Variants in COL20A1 observed in about 807,000 individuals in gnomAD.
COL20A1 encodes collagen type XX alpha 1 chain.
In COL20A1, 164 loss-of-function variants were observed where a neutral mutation model predicts 152.9. The observed-to-expected ratio is 1.07, with a 90% CI of 0.94 to 1.22. The LOEUF is 1.22. COL20A1 is among the 50% of genes most tolerant of loss of function. COL20A1 has a pLI of 0.00. For synonymous variants in COL20A1, 864 were observed against 756.0 expected (o/e 1.14, Z -2.34); for missense variants, 1,873 against 1,744.8 (o/e 1.07, Z -1.31).
chr20:63,325,031 C>T (rs975149793), intron 27 of COL20A1: 18 of 316,832 alleles, frequency 5.7e-5, no homozygotes, highest in African/African-American at 3.6e-4. Flanking sequence ...ACTGGCTTCA[C>T]AGGCTTGGCT....
At chr20:63,303,476 T>C (rs1005568229) in intron 3 of COL20A1, among the ~76,000 whole-genome samples, 1 of 152,238 alleles carries the variant, frequency 6.6e-6, no homozygotes, top group Non-Finnish European at 1.5e-5. Flanking sequence ...CCACTTCTAC[T>C]GCGGAGTAGC....
Position 63,305,608 on chromosome 20 carries a change from C to A in COL20A1, c.337+48C>A, listed in dbSNP as rs546165201. 6.5e-7 allele frequency: 1 copy of A among 1,536,034 alleles called. No individual in the cohort carries two copies. The highest frequency in any genetic ancestry group is 2.3e-5 in the East Asian group (1 of 43,356). ...GGGTACCCACTCCTCCAGGCCGGGTCCCACCCTCCTCTGGGCTGGGGTCCC... is the reference window on the plus strand; with the variant it reads ...GGGTACCCACTCCTCCAGGCCGGGTACCACCCTCCTCTGGGCTGGGGTCCC... On this transcript the variant is annotated intron_variant, in intron 4 of 35. Transcript: ENST00000358894. This position sits in a 1 kb window ranked among gnomAD's most constrained non-coding sequence, Gnocchi z 4.9.
At chr20:63,322,802 C>A (rs574641026) in intron 27 of COL20A1, among the ~76,000 whole-genome samples, 2 of 152,286 alleles carry the variant, frequency 1.3e-5, no homozygotes, top group Non-Finnish European at 2.9e-5. Context: ...CACCTCTCCC[C>A]CGGCAGCCTT....
chr20:63,300,876 G>A (rs1425182494), intron 3 of COL20A1, among the ~76,000 whole-genome samples: 1 of 152,026 alleles, frequency 6.6e-6, no homozygotes, highest in African/African-American at 2.4e-5. Flanking sequence ...TTTTTGTTAC[G>A]ATATTTTTAT....
intron 7 of COL20A1, 23 bp from the exon 8 acceptor site, chr20:63,308,519 A>G (rs1240670587): frequency 6.5e-7 from 1 of 1,543,470 alleles, no homozygotes; most frequent in Non-Finnish European, 8.8e-7. Flanking sequence ...GCTGCCTGTC[A>G]CTTTATTCCT....
rs780525056 is a variant in COL20A1 at position 63,328,353 on chromosome 20, C to T, written c.3636C>T (p.Ser1212=). 7 of 1,612,386 alleles carry T rather than the reference C, an allele frequency of 4.3e-6. No individual in the cohort carries two copies. Among genetic ancestry groups the T allele is most frequent in the Admixed American group, 3.3e-5 (2 of 59,896 alleles). ...CAGCACACGTGTCAAAGTTCGACTC[C>T]TTCCACGAGAACACCAGGCCCCCCA... ...SQASHVSKFD[S]FHENTRPPMP... Residue 1212 remains serine, a synonymous_variant, in exon 34 of 36, where the codon TCC becomes TCT. Transcript: ENST00000358894.
rs776603928 is a variant in COL20A1, at chr20:63,312,046, C to T, written c.1794C>T (p.His598=). The change falls in exon 14 of 36, where the codon CAC becomes CAT. Residue 598 remains histidine, a synonymous_variant. Transcript: ENST00000358894. ...RVTYVSSEGG[H]SGQTEAPGNA... The stretch of plus-strand genomic sequence containing the variant: ...CCTATGTGTCCAGCGAGGGTGGACA[C>T]TCGGGGCAGGTGAGAGCAGAGCCCT... The T allele has an allele frequency of 3.8e-6, 6 of 1,582,524 alleles. No homozygotes were observed. In the African/African-American group the frequency reaches 5.4e-5, roughly 14 times the overall value.
chr20:63,299,414 A>G (rs111674249), intron 3 of COL20A1, among the ~76,000 whole-genome samples: 8,555 of 152,044 alleles, frequency 0.056, 326 homozygotes, highest in Middle Eastern at 0.11. Context: ...GACTGGAGCT[A>G]CTCTGGTGGG....
At chr20:63,307,370 C>G (rs542267167) in intron 5 of COL20A1, 120 bp from the exon 6 acceptor site, 3 of 937,126 alleles carry the variant, frequency 3.2e-6, no homozygotes, top group Admixed American at 2.5e-5. Flanking sequence ...GGAGTCCTTT[C>G]CCCTGAAACC....
At position 63,325,428 on chromosome 20, in the gene COL20A1, CT is replaced by C. The variant is rs1284398323; in HGVS notation, c.3295-11del. Reference sequence around the variant, plus strand: ...CCCTCCGCTTCGCTGTCCAGCCCATCTTCCCCCTCCAGGGTCCACCAGGGGT... The same window carrying C: ...CCCTCCGCTTCGCTGTCCAGCCCATCTCCCCCTCCAGGGTCCACCAGGGGT... On this transcript the variant is annotated splice_polypyrimidine_tract_variant and intron_variant, in intron 27 of 35. Coordinates refer to ENST00000358894, the MANE Select transcript of COL20A1 (RefSeq NM_020882.4). The C allele has an allele frequency of 8.1e-6, 13 of 1,607,450 alleles. No individual in the cohort carries two copies. The highest frequency in any genetic ancestry group is 1.6e-4 in the Middle Eastern group (1 of 6,068).
Position 63,319,338 on chromosome 20 carries a change from C to T in COL20A1, c.2806+138C>T. ...CCCTCTGGGTGGGAGGCAGGTGTCC[C>T]GGGCAGGGGGCTGTGGGCCACATTG... On this transcript the variant is annotated intron_variant, in intron 22 of 35. Transcript: ENST00000358894. The surrounding 1 kb of genome is among the most constrained non-coding windows in gnomAD (Gnocchi z 4.4). The T allele has an allele frequency of 2.6e-6, 3 of 1,132,196 alleles. No individual in the cohort carries two copies. Among genetic ancestry groups the T allele is most frequent in the Non-Finnish European group, 3.7e-6 (3 of 803,580 alleles). The allele number at this position is 1,132,196 out of a possible 1,614,324, so 70.1% of individuals were successfully genotyped here.
chr20:63,294,178 A>AG (rs1468828783), intron 1 of COL20A1, among the ~76,000 whole-genome samples: 1 of 270 alleles, frequency 3.7e-3, no homozygotes. Context: ...AGTGCGGGGG[A>AG]GGGGGCGTGC....
intron 3 of COL20A1, among the ~76,000 whole-genome samples, chr20:63,303,585 A>G (rs140371352): frequency 8.9e-4 from 135 of 152,314 alleles, no homozygotes; most frequent in Admixed American, 7.1e-3. Flanking sequence ...AATGCTTAGG[A>G]TACTGCCAGG....
chr20:63,312,548 C>T lies in COL20A1; in HGVS notation c.1932C>T (p.Thr644=), dbSNP rs1328788645. The change falls in exon 15 of 36, where the codon ACC becomes ACT. Residue 644 remains threonine (T), a splice_region_variant and synonymous_variant. Coordinates refer to ENST00000358894, the MANE Select transcript of COL20A1 (RefSeq NM_020882.4). ...GSSTLTGRVT[T]KKAPSPSQLS... ...CTACGCTGACTGGCCGGGTGACCAC[C>T]AGTGAGTGGGGAGAGGCTGGGGCTG... 6.3e-7 allele frequency: 1 copy of T among 1,577,914 alleles called. No individual in the cohort carries two copies.
chr20:63,294,584 C>T (rs1014474595), intron 1 of COL20A1, among the ~76,000 whole-genome samples: 2 of 152,160 alleles, frequency 1.3e-5, no homozygotes, highest in African/African-American at 4.8e-5. Flanking sequence ...ACCCGCTCCC[C>T]ACTCCTACTA....
In COL20A1 at chr20:63,307,513, C is replaced by A. The variant is rs745409277; in HGVS notation, c.520C>A (p.Pro174Thr). 4.3e-6 allele frequency: 7 copies of A among 1,611,914 alleles called. No individual in the cohort carries two copies. Among genetic ancestry groups the A allele is most frequent in the Non-Finnish European group, 5.9e-6 (7 of 1,179,412 alleles). Residue 174 changes from proline to threonine, a missense_variant, in exon 6 of 36, where the codon CCC (proline) becomes ACC (threonine). Coordinates refer to ENST00000358894, the MANE Select transcript of COL20A1 (RefSeq NM_020882.4). ...TPAGPQFRCLPPVPADMVFLV... is the reference protein window; with the variant it reads ...TPAGPQFRCLTPVPADMVFLV... ...AGCCGGCCCCCAGTTCCGCTGCCTG[C>A]CCCCCGTGCCTGCTGACATGGTCTT...
At chr20:63,308,178 G>C (rs561286011) in intron 7 of COL20A1, 88 bp downstream of exon 7, 1 of 1,507,002 alleles carries the variant, frequency 6.6e-7, no homozygotes, top group South Asian at 1.2e-5. Flanking sequence ...TGTGTAAATC[G>C]AGCTCCAAGT....
intron 2 of COL20A1, 142 bp downstream of exon 2, chr20:63,295,331 CA>C: frequency 1.6e-6 from 1 of 621,534 alleles, no homozygotes; most frequent in East Asian, 2.8e-5. Context: ...GCTCCCACAA[CA>C]AAGGCAAGAC....
In COL20A1 at chr20:63,312,871, C is replaced by T; in HGVS notation, c.2013C>T (p.Ala671=). The T allele has an allele frequency of 6.4e-7, 1 of 1,557,022 alleles. No homozygotes were observed. The highest frequency in any genetic ancestry group is 8.7e-7 in the Non-Finnish European group (1 of 1,150,654). ...TCCAGCTGGCGTGGGTGGCCGCAGC[C>T]CCGTCTGGCGTGCTTGTCTACCAGA... The part of the protein sequence containing the change: ...DAVQLAWVAA[A]PSGVLVYQIT... Residue 671 remains alanine, a synonymous_variant, in exon 16 of 36, where the codon GCC becomes GCT. Coordinates refer to ENST00000358894, the MANE Select transcript of COL20A1 (RefSeq NM_020882.4).
Sources: allele counts gnomAD v4.1 joint callset (sites outside exome capture counted in the v4.1 genomes callset), GRCh38; gene constraint gnomAD v4.1.1; non-coding constraint Gnocchi (gnomAD v3.1); transcripts MANE v1.5; gene names NCBI Gene and HGNC (gene_info 2026-07-23, HGNC 2026-07-21).